Variants in ELAVL3 observed in about 807,000 individuals in gnomAD.
ELAVL3 encodes the protein ELAV-like protein 3.
In ELAVL3, 8 loss-of-function variants were observed where a neutral mutation model predicts 34.2. That is an observed-to-expected ratio of 0.23 (90% CI 0.14 to 0.42). The LOEUF (loss-of-function observed/expected upper bound fraction) is 0.42, where lower values mean the gene tolerates loss of function less well. Among genes scored for constraint, ELAVL3 ranks in the 10% least tolerant of loss-of-function variants. The probability of loss-of-function intolerance (pLI) is 1.00; values close to 1 mark genes in which losing one functional copy is unlikely to be tolerated. For synonymous variants in ELAVL3, 209 were observed against 222.1 expected, an observed-to-expected ratio of 0.94 and a Z score of 0.53; for missense variants, 273 against 518.8, an observed-to-expected ratio of 0.53 and a Z score of 4.60.
chr19:11,476,716 C>G (rs188453223), intron 1 of ELAVL3, among the ~76,000 whole-genome samples: 1 of 151,956 alleles, frequency 6.6e-6, no homozygotes, highest in Non-Finnish European at 1.5e-5. Flanking sequence ...CTGGCCAACA[C>G]AGCGAACTCT....
rs1455129973 is a variant in ELAVL3, at chr19:11,458,308, C to T, written c.488-22G>A. On this transcript the variant is annotated intron_variant, in intron 4 of 6. Transcript: ENST00000359227. The surrounding 1 kb of genome is among the most constrained non-coding windows in gnomAD (Gnocchi z 7.3). ...ACACCTGCCAGGGGGCAGGGATGTC[C>T]ATCACGACGACCCTGTCCCCTCCTG... 8.1e-6 allele frequency: 13 copies of T among 1,612,076 alleles called. No homozygotes were observed. Among genetic ancestry groups the T allele is most frequent in the Non-Finnish European group, 1.0e-5 (12 of 1,179,070 alleles).
At chr19:11,478,270 A>C (rs900244693) in intron 1 of ELAVL3, among the ~76,000 whole-genome samples, 10 of 152,122 alleles carry the variant, frequency 6.6e-5, no homozygotes, top group Non-Finnish European at 1.0e-4. Context: ...GTTCAGACCC[A>C]GGTTCTTGAG....
At position 11,454,893 on chromosome 19, in the gene ELAVL3, C is replaced by T. The variant is rs759960710; in HGVS notation, c.753-16G>A. ...CGACAGGGGACTACTTTGGGGGTCA[C>T]GCGGGCTCTGCCCTGACCCCCCGCA... On this transcript the variant is annotated splice_polypyrimidine_tract_variant and intron_variant, in intron 6 of 6. Coordinates refer to ENST00000359227, the MANE Select transcript of ELAVL3 (RefSeq NM_001420.4). The surrounding 1 kb of genome is among the most constrained non-coding windows in gnomAD (Gnocchi z 9.2). 5.7e-6 allele frequency: 9 copies of T among 1,581,474 alleles called. No individual in the cohort carries two copies. Among genetic ancestry groups the T allele is most frequent in the Middle Eastern group, 1.7e-4 (1 of 5,902 alleles).
Position 11,451,494 on chromosome 19 carries a change from C to CTTTTTTTTTTTTTTTTTT in ELAVL3, c.*3014_*3031dup, listed in dbSNP as rs950823031. On this transcript the variant is annotated 3_prime_UTR_variant, in exon 7 of 7. Coordinates refer to ENST00000359227, the MANE Select transcript of ELAVL3 (RefSeq NM_001420.4). ...TTTTTTTTTTTGTCTTTTGTTTTGT[C>CTTTTTTTTTTTTTTTTTT]TTTTTTTTTTTTTTTTTTTTTACAG... 1.5e-5 allele frequency: 1 copy of CTTTTTTTTTTTTTTTTTT among 65,534 alleles called. No homozygotes were observed. The highest frequency in any genetic ancestry group is 3.0e-5 in the Non-Finnish European group (1 of 33,102). 4.1% of individuals were successfully genotyped at this position (65,534 alleles called of 1,614,324 possible).
chr19:11,452,864 G>A lies in ELAVL3; in HGVS notation c.*1662C>T, dbSNP rs371526572. 5.3e-5 allele frequency: 8 copies of A among 152,258 alleles called. No individual in the cohort carries two copies. In the East Asian group the frequency reaches 1.2e-3, roughly 22 times the overall value. 9.4% of individuals were successfully genotyped at this position (152,258 alleles called of 1,614,324 possible). ...TTTTTTTTAAAGAAAGAAAACTAGG[G>A]CGATGCAATGTCCAGACAGAAGCCG... On this transcript the variant is annotated 3_prime_UTR_variant, in exon 7 of 7. Coordinates refer to ENST00000359227, the MANE Select transcript of ELAVL3 (RefSeq NM_001420.4).
Position 11,452,595 on chromosome 19 carries a change from C to T in ELAVL3, c.*1931G>A, listed in dbSNP as rs1970674709. Reference sequence around the variant, plus strand: ...TTTTTGATTTTTTTCTTTTTTGTTCCTTGCAGCAGAAGCTCCACAGACGTT... The same window carrying T: ...TTTTTGATTTTTTTCTTTTTTGTTCTTTGCAGCAGAAGCTCCACAGACGTT... On this transcript the variant is annotated 3_prime_UTR_variant, in exon 7 of 7. Coordinates refer to ENST00000359227, the MANE Select transcript of ELAVL3 (RefSeq NM_001420.4). 1 of 142,734 alleles carries T rather than the reference C, an allele frequency of 7.0e-6. No homozygotes were observed. Among genetic ancestry groups the T allele is most frequent in the African/African-American group, 2.6e-5 (1 of 38,328 alleles). 8.8% of individuals were successfully genotyped at this position (142,734 alleles called of 1,614,324 possible). A position where few individuals can be genotyped will look rare whatever the true frequency, so the allele number is the denominator to read the frequency against.
At chr19:11,474,473 T>C (rs1971227064) in intron 1 of ELAVL3, among the ~76,000 whole-genome samples, 2 of 152,116 alleles carry the variant, frequency 1.3e-5, no homozygotes, top group Non-Finnish European at 1.5e-5. Flanking sequence ...GGTGGGTGCC[T>C]CTAATTCCAG....
At chr19:11,464,688 C>A (rs367816934) in intron 3 of ELAVL3, among the ~76,000 whole-genome samples, 6,561 of 67,840 alleles carry the variant, frequency 0.097, 471 homozygotes, top group African/African-American at 0.26. Flanking sequence ...CACACACCCC[C>A]CACACACATA....
chr19:11,461,686 C>T (rs1970888909), intron 3 of ELAVL3, among the ~76,000 whole-genome samples: 1 of 151,876 alleles, frequency 6.6e-6, no homozygotes, highest in Non-Finnish European at 1.5e-5. Context: ...CAGCCTTGAC[C>T]CCCCCGGGCT....
chr19:11,464,987 ACACAC>A (rs1971002506), intron 3 of ELAVL3, among the ~76,000 whole-genome samples: 2 of 131,400 alleles, frequency 1.5e-5, no homozygotes, highest in African/African-American at 6.0e-5. Context: ...TACACCACAC[ACACAC>A]CACACACCAC....
At chr19:11,461,935 C>T (rs1270949384) in intron 3 of ELAVL3, among the ~76,000 whole-genome samples, 1 of 151,526 alleles carries the variant, frequency 6.6e-6, no homozygotes, top group African/African-American at 2.4e-5. Flanking sequence ...CAGCATTTTG[C>T]GAGGCTGAGG....
chr19:11,475,362 G>A (rs1238221601), intron 1 of ELAVL3, among the ~76,000 whole-genome samples: 4 of 152,288 alleles, frequency 2.6e-5, no homozygotes, highest in African/African-American at 9.6e-5. Context: ...CCAATGCCTT[G>A]TCTCGCTATG....
intron 1 of ELAVL3, among the ~76,000 whole-genome samples, chr19:11,479,628 G>A (rs944294868): frequency 1.3e-5 from 2 of 151,632 alleles, no homozygotes; most frequent in Admixed American, 6.6e-5. Flanking sequence ...GGGCTCGGGC[G>A]AGGCCGGGCC....
chr19:11,475,850 G>C (rs60231805), intron 1 of ELAVL3, among the ~76,000 whole-genome samples: 1 of 151,958 alleles, frequency 6.6e-6, no homozygotes, highest in Non-Finnish European at 1.5e-5. Flanking sequence ...CCTGACCTCA[G>C]ATGACCTGCC....
chr19:11,472,921 G>T (rs1971193512), intron 1 of ELAVL3, among the ~76,000 whole-genome samples: 1 of 151,896 alleles, frequency 6.6e-6, no homozygotes, highest in Non-Finnish European at 1.5e-5. Context: ...ACAAAAATTA[G>T]CCAGGTGGGG....
intron 1 of ELAVL3, among the ~76,000 whole-genome samples, chr19:11,473,616 C>T (rs1971209287): frequency 6.6e-6 from 1 of 152,224 alleles, no homozygotes; most frequent in African/African-American, 2.4e-5. Flanking sequence ...TTATTCACAA[C>T]AATCCTAAAA....
intron 5 of ELAVL3, 90 bp downstream of exon 5, chr19:11,457,971 C>T: frequency 7.1e-7 from 1 of 1,402,212 alleles, no homozygotes; most frequent in Non-Finnish European, 9.9e-7. Flanking sequence ...ACCCTCCCGG[C>T]ATCCCTCCCT....
Position 11,480,913 on chromosome 19 carries a change from C to T in ELAVL3, c.-305G>A. ...GCGGGGCCCGGGGAGGTTGCGCTTCCCGACAGAGATCGCGGCGCTCTGCCT... is the reference window on the plus strand; with the variant it reads ...GCGGGGCCCGGGGAGGTTGCGCTTCTCGACAGAGATCGCGGCGCTCTGCCT... On this transcript the variant is annotated 5_prime_UTR_variant, in exon 1 of 7. Transcript: ENST00000359227. This position sits in a 1 kb window ranked among gnomAD's most constrained non-coding sequence, Gnocchi z 6.8. 1 of 324,162 alleles carries T rather than the reference C, an allele frequency of 3.1e-6. No individual in the cohort carries two copies. Among genetic ancestry groups the T allele is most frequent in the Non-Finnish European group, 5.6e-6 (1 of 177,920 alleles). The allele number at this position is 324,162 out of a possible 1,614,324, so 20.1% of individuals were successfully genotyped here. A position where few individuals can be genotyped will look rare whatever the true frequency, so the allele number is the denominator to read the frequency against.
At chr19:11,465,048 TAC>T (rs1304784988) in intron 3 of ELAVL3, among the ~76,000 whole-genome samples, 4 of 48,248 alleles carry the variant, frequency 8.3e-5, no homozygotes, top group Admixed American at 7.6e-4. Flanking sequence ...ACCACACACA[TAC>T]ACACATACAC....
Sources: allele counts gnomAD v4.1 joint callset (sites outside exome capture counted in the v4.1 genomes callset), GRCh38; gene constraint gnomAD v4.1.1; non-coding constraint Gnocchi (gnomAD v3.1); transcripts MANE v1.5; gene names NCBI Gene and HGNC (gene_info 2026-07-23, HGNC 2026-07-21).